Variants in PRTFDC1 observed in about 807,000 individuals in gnomAD.
The protein encoded by PRTFDC1 is phosphoribosyltransferase domain-containing protein 1.
PRTFDC1 carries 38 observed loss-of-function variants against 34.6 expected under a neutral mutation model. That is an observed-to-expected ratio of 1.10 (90% CI 0.85 to 1.44). PRTFDC1 has a LOEUF of 1.44. Among genes scored for constraint, PRTFDC1 ranks in the 40% most tolerant of loss-of-function variants. The pLI is 0.00. For synonymous variants in PRTFDC1, 93 were observed against 98.1 expected, an observed-to-expected ratio of 0.95 and a Z score of 0.31; for missense variants, 270 against 283.0, an observed-to-expected ratio of 0.95 and a Z score of 0.33.
intron 4 of PRTFDC1, among the ~76,000 whole-genome samples, chr10:24,864,848 G>T (rs1327378176): frequency 1.3e-5 from 2 of 152,052 alleles, no homozygotes; most frequent in East Asian, 3.9e-4. Context: ...GGGTGCGATG[G>T]CTCACACCTG....
At chr10:24,884,841 C>A (rs1227867595) in intron 3 of PRTFDC1, among the ~76,000 whole-genome samples, 2 of 152,152 alleles carry the variant, frequency 1.3e-5, no homozygotes, top group Non-Finnish European at 2.9e-5. Context: ...TAATGATGCT[C>A]CCTTCAGCCC....
At chr10:24,917,737 A>C (rs1025251294) in intron 3 of PRTFDC1, among the ~76,000 whole-genome samples, 1 of 152,186 alleles carries the variant, frequency 6.6e-6, no homozygotes, top group Non-Finnish European at 1.5e-5. Flanking sequence ...ATGGAGACAG[A>C]TGTCCTTTTC....
intron 3 of PRTFDC1, among the ~76,000 whole-genome samples, chr10:24,928,650 G>C (rs2132594461): frequency 6.6e-6 from 1 of 152,148 alleles, no homozygotes; most frequent in African/African-American, 2.4e-5. Context: ...CACCATGTTG[G>C]CCAGGCTGGC....
chr10:24,925,953 G>A (rs111310948), intron 3 of PRTFDC1, among the ~76,000 whole-genome samples: 1,808 of 152,312 alleles, frequency 0.012, 42 homozygotes, highest in African/African-American at 0.042. Context: ...CCAAGTTCCA[G>A]TATCCACTGT....
intron 3 of PRTFDC1, among the ~76,000 whole-genome samples, chr10:24,915,311 G>A (rs1054926200): frequency 3.3e-5 from 5 of 152,128 alleles, no homozygotes; most frequent in African/African-American, 1.2e-4. Flanking sequence ...TTTGGACAGG[G>A]AAATGGGTCC....
At chr10:24,855,107 T>G (rs1270188890) in intron 7 of PRTFDC1, among the ~76,000 whole-genome samples, 14 of 152,172 alleles carry the variant, frequency 9.2e-5, no homozygotes, top group Non-Finnish European at 1.5e-5. Flanking sequence ...AGATGCAAAT[T>G]AGAACATTGA....
intron 2 of PRTFDC1, among the ~76,000 whole-genome samples, chr10:24,941,655 AC>A (rs1295429478): frequency 1.3e-5 from 2 of 152,118 alleles, no homozygotes; most frequent in Admixed American, 6.6e-5. Flanking sequence ...GCTTAGGGTA[AC>A]CCTACCCCCT....
chr10:24,896,787 A>C (rs1459776101), intron 3 of PRTFDC1, among the ~76,000 whole-genome samples: 1 of 152,226 alleles, frequency 6.6e-6, no homozygotes, highest in Non-Finnish European at 1.5e-5. Flanking sequence ...TCTTCTAAAA[A>C]GTTGAAAAGG....
intron 3 of PRTFDC1, among the ~76,000 whole-genome samples, chr10:24,879,920 C>T (rs1186530504): frequency 1.3e-5 from 2 of 152,136 alleles, no homozygotes; most frequent in African/African-American, 4.8e-5. Flanking sequence ...CTTGCAATCT[C>T]TGTGGGGTGA....
chr10:24,856,878 A>T, intron 6 of PRTFDC1, 35 bp downstream of exon 6: 1 of 1,551,572 alleles, frequency 6.4e-7, no homozygotes, highest in East Asian at 2.2e-5. Context: ...TGCTTGGAAA[A>T]CTAGAAATCA....
intron 1 of PRTFDC1, among the ~76,000 whole-genome samples, chr10:24,950,606 TA>T (rs1849324932): frequency 6.6e-6 from 1 of 152,122 alleles, no homozygotes; most frequent in African/African-American, 2.4e-5. Flanking sequence ...GCTGTCCCTG[TA>T]ACATCTGACA....
chr10:24,908,509 C>T (rs1379800796), intron 3 of PRTFDC1: 1 of 1,612,374 alleles, frequency 6.2e-7, no homozygotes, highest in East Asian at 2.2e-5. Flanking sequence ...AGACCTAATT[C>T]TGCTCTGATC....
At chr10:24,854,613 G>A (rs537594868) in intron 7 of PRTFDC1, among the ~76,000 whole-genome samples, 115 of 152,268 alleles carry the variant, frequency 7.6e-4, no homozygotes, top group Non-Finnish European at 1.4e-3. Context: ...AAATAATTAG[G>A]CTGCGTGTTT....
intron 3 of PRTFDC1, chr10:24,908,814 C>T (rs1848581191): frequency 1.7e-5 from 23 of 1,371,650 alleles, no homozygotes; most frequent in Non-Finnish European, 2.1e-5. Flanking sequence ...CTCACATCCC[C>T]CTTTTCCAAA....
chr10:24,942,752 GTTC>G (rs1849184184), intron 1 of PRTFDC1, among the ~76,000 whole-genome samples: 1 of 152,164 alleles, frequency 6.6e-6, no homozygotes, highest in Non-Finnish European at 1.5e-5. Flanking sequence ...GGTTCAATCA[GTTC>G]TTCTGCCTCA....
At chr10:24,861,404 G>C (rs1280899369) in intron 4 of PRTFDC1, among the ~76,000 whole-genome samples, 1 of 152,120 alleles carries the variant, frequency 6.6e-6, no homozygotes, top group African/African-American at 2.4e-5. Flanking sequence ...GGAGATTGAG[G>C]CAGGAGAAGT....
intron 3 of PRTFDC1, among the ~76,000 whole-genome samples, chr10:24,889,613 G>A (rs758499241): frequency 1.3e-5 from 2 of 152,194 alleles, no homozygotes; most frequent in Admixed American, 6.5e-5. Flanking sequence ...CAAATATCAA[G>A]TGTTTTATGC....
chr10:24,871,881 G>T, intron 4 of PRTFDC1, 117 bp downstream of exon 4: 1 of 786,124 alleles, frequency 1.3e-6, no homozygotes, highest in Non-Finnish European at 2.1e-6. Context: ...GCAGCCATTT[G>T]TATGAATTGG....
At chr10:24,894,138 TG>T (rs1369021078) in intron 3 of PRTFDC1, among the ~76,000 whole-genome samples, 1 of 152,120 alleles carries the variant, frequency 6.6e-6, no homozygotes, top group African/African-American at 2.4e-5. Flanking sequence ...GAGACCAGCC[TG>T]GCCAACAAGG....
Sources: gnomAD v4.1 joint callset for allele counts (sites outside exome capture counted in the v4.1 genomes callset) on GRCh38, gnomAD v4.1.1 for gene constraint, MANE v1.5 for transcripts, NCBI Gene and HGNC (gene_info 2026-07-23, HGNC 2026-07-21) for gene names.